The following ZNF618 variants were observed in gnomAD, a reference collection of about 807,000 sequenced individuals.
ZNF618 encodes neural precursor cell expressed, developmentally down-regulated 10.
ZNF618 carries 34 observed loss-of-function variants against 103.0 expected under a neutral mutation model. That is an observed-to-expected ratio of 0.33 (90% CI 0.25 to 0.44). The LOEUF is 0.44. ZNF618 is among the 20% of genes least tolerant of loss of function. ZNF618 has a pLI of 1.00. For missense variants in ZNF618, 1,059 were observed against 1,295.4 expected, an observed-to-expected ratio of 0.82 and a Z score of 2.80; for synonymous variants, 551 against 542.2, an observed-to-expected ratio of 1.02 and a Z score of -0.23.
chr9:113,942,113 G>A (rs1474504074), intron 1 of ZNF618, among the ~76,000 whole-genome samples: 1 of 152,200 alleles, frequency 6.6e-6, no homozygotes, highest in Non-Finnish European at 1.5e-5. Context: ...GTAATTCCTC[G>A]TGGGTATCAG....
intron 1 of ZNF618, among the ~76,000 whole-genome samples, chr9:113,951,577 ATGTG>A (rs33967417): frequency 0.19 from 9,440 of 49,076 alleles, 2,482 homozygotes; most frequent in African/African-American, 0.27. Context: ...GTGTGTGTAT[ATGTG>A]TGTGTGTGTG....
At chr9:113,888,538 A>G (rs1829292493) in intron 1 of ZNF618, among the ~76,000 whole-genome samples, 1 of 152,254 alleles carries the variant, frequency 6.6e-6, no homozygotes, top group African/African-American at 2.4e-5. Flanking sequence ...TTATGCCCAG[A>G]CAGATGTAAG....
chr9:113,961,236 C>T (rs184478864), intron 1 of ZNF618, among the ~76,000 whole-genome samples: 44 of 152,282 alleles, frequency 2.9e-4, no homozygotes, highest in African/African-American at 1.0e-3. Context: ...CTTCAGAGCA[C>T]GTATCTCAGG....
chr9:114,035,975 G>A (rs78291268), intron 12 of ZNF618, among the ~76,000 whole-genome samples: 3,527 of 152,314 alleles, frequency 0.023, 131 homozygotes, highest in African/African-American at 0.081. Context: ...CAAGAGGGCC[G>A]TTGGTCTGTT....
chr9:113,922,979 A>G (rs1056739326), intron 1 of ZNF618, among the ~76,000 whole-genome samples: 2 of 152,156 alleles, frequency 1.3e-5, no homozygotes, highest in African/African-American at 4.8e-5. Flanking sequence ...GATTTTTTTC[A>G]TCAGAGTTTT....
chr9:114,007,435 G>A lies in ZNF618; in HGVS notation c.636G>A (p.Val212=), dbSNP rs1022058550. Residue 212 remains valine, a synonymous_variant, in exon 7 of 15, where the codon GTG becomes GTA. Transcript: ENST00000374126. Reference sequence around the variant, plus strand: ...AAGAGCACCGAGACCTGCACGCAGTGGATGGTGAGTCAGGCCCCTCACTCC... The same window carrying A: ...AAGAGCACCGAGACCTGCACGCAGTAGATGGTGAGTCAGGCCCCTCACTCC... ...CFQEHRDLHA[V]DVFSVEGAPE... is the part of the protein sequence containing the mutation. 1 of 1,613,084 alleles carries A rather than the reference G, an allele frequency of 6.2e-7. No individual in the cohort carries two copies. The highest frequency in any genetic ancestry group is 8.5e-7 in the Non-Finnish European group (1 of 1,179,746).
chr9:114,052,380 A>G lies in ZNF618; in HGVS notation c.*2213A>G, dbSNP rs1846190592. 2.0e-5 allele frequency: 3 copies of G among 152,664 alleles called. No homozygotes were observed. The South Asian group carries it at 6.2e-4, about 32-fold the overall frequency. The allele number at this position is 152,664 out of a possible 1,614,324, so 9.5% of individuals were successfully genotyped here. On this transcript the variant is annotated 3_prime_UTR_variant, in exon 15 of 15. Coordinates refer to ENST00000374126, the MANE Select transcript of ZNF618 (RefSeq NM_001318042.2). Reference sequence around the variant, plus strand: ...GAGAAGTTCTAGGTATTACCTCCACAACATTTCCAACTGGGGGACTGAGCC... The same window carrying G: ...GAGAAGTTCTAGGTATTACCTCCACGACATTTCCAACTGGGGGACTGAGCC...
At chr9:114,023,900 T>G (rs970340052) in intron 10 of ZNF618, among the ~76,000 whole-genome samples, 3 of 152,218 alleles carry the variant, frequency 2.0e-5, no homozygotes, top group Non-Finnish European at 2.9e-5. Flanking sequence ...TAATAGTTTT[T>G]AGCAATTTCA....
At chr9:114,048,556 T>G in intron 14 of ZNF618, 95 bp from the exon 15 acceptor site, 1 of 1,321,240 alleles carries the variant, frequency 7.6e-7, no homozygotes, top group South Asian at 1.4e-5. Context: ...TATTTGCCAT[T>G]CCCAATACTA....
intron 6 of ZNF618, among the ~76,000 whole-genome samples, 195 bp from the exon 7 acceptor site, chr9:114,007,155 C>G (rs1225112225): frequency 6.6e-6 from 1 of 152,178 alleles, no homozygotes; most frequent in Non-Finnish European, 1.5e-5. Context: ...ATCACCGGCC[C>G]TCCCGGCTGT....
At position 114,050,178 on chromosome 9, in the gene ZNF618, C is replaced by T. The variant is rs375177872; in HGVS notation, c.*11C>T. ...TCCAACATGCTTTAAGACTTGACTT[C>T]GGGGGAAAAAAAAAGAAAAAGAGAA... On this transcript the variant is annotated 3_prime_UTR_variant, in exon 15 of 15. Coordinates refer to ENST00000374126, the MANE Select transcript of ZNF618 (RefSeq NM_001318042.2). 7.9e-6 allele frequency: 12 copies of T among 1,514,566 alleles called. No individual in the cohort carries two copies. The highest frequency in any genetic ancestry group is 2.3e-5 in the East Asian group (1 of 43,370). 93.8% of individuals were successfully genotyped at this position (1,514,566 alleles called of 1,614,324 possible). A position where few individuals can be genotyped will look rare whatever the true frequency, so the allele number is the denominator to read the frequency against.
intron 3 of ZNF618, among the ~76,000 whole-genome samples, chr9:113,993,481 C>CT (rs201046888): frequency 0.019 from 2,945 of 152,286 alleles, 96 homozygotes; most frequent in African/African-American, 0.067. Context: ...GCATCCAGCC[C>CT]TTAGACTATT....
chr9:113,999,460 G>A (rs1840966687), intron 4 of ZNF618, among the ~76,000 whole-genome samples: 1 of 152,170 alleles, frequency 6.6e-6, no homozygotes, highest in Non-Finnish European at 1.5e-5. Context: ...GAGACTCCGT[G>A]TGCCAGACAG....
chr9:113,894,758 A>G (rs2131099020), intron 1 of ZNF618, among the ~76,000 whole-genome samples: 1 of 152,264 alleles, frequency 6.6e-6, no homozygotes, highest in African/African-American at 2.4e-5. Context: ...TATTTTGCCT[A>G]ATTAATGTGG....
Position 114,050,035 on chromosome 9 carries a change from G to A in ZNF618, c.2733G>A (p.Leu911=). The change falls in exon 15 of 15, where the codon CTG becomes CTA. Residue 911 remains leucine (L), a synonymous_variant. Transcript: ENST00000374126. ...TCGCCAAGCTCGCCTTCTGGCTCCT[G>A]GCGGTTCCGGCCGTGGGCGCCAGAA... The part of the protein sequence containing the change: ...TKLAKLAFWL[L]AVPAVGARSG... 1 of 1,613,906 alleles carries A rather than the reference G, an allele frequency of 6.2e-7. No individual in the cohort carries two copies. The highest frequency in any genetic ancestry group is 1.3e-5 in the African/African-American group (1 of 75,060).
At chr9:113,961,991 C>CCA (rs1226729506) in intron 1 of ZNF618, among the ~76,000 whole-genome samples, 1 of 152,162 alleles carries the variant, frequency 6.6e-6, no homozygotes, top group Non-Finnish European at 1.5e-5. Context: ...TGAACCTTGG[C>CCA]CAAGCCACTG....
At chr9:113,911,503 A>AT (rs529627065) in intron 1 of ZNF618, among the ~76,000 whole-genome samples, 92 of 150,018 alleles carry the variant, frequency 6.1e-4, no homozygotes, top group African/African-American at 9.6e-4. Flanking sequence ...TGATTATTGT[A>AT]TTTTTAGTAG....
chr9:114,050,120 C>T lies in ZNF618; in HGVS notation c.2818C>T (p.Pro940Ser), dbSNP rs1260332074. Residue 940 changes from proline (P) to serine (S), a missense_variant, in exon 15 of 15, where the codon CCA becomes TCA. This residue lies in a region of ZNF618 where 156 missense variants were observed against 197.1 expected (regional missense o/e 0.79). Coordinates refer to ENST00000374126, the MANE Select transcript of ZNF618 (RefSeq NM_001318042.2). ...LLIKRRRLLS[P>S]EDMNKLMFLK... ...AATCAAACGGAGGCGGCTGCTCAGT[C>T]CAGAAGATATGAATAAACTCATGTT... The T allele has an allele frequency of 6.3e-7, 1 of 1,592,400 alleles. No homozygotes were observed. Among genetic ancestry groups the T allele is most frequent in the African/African-American group, 1.3e-5 (1 of 74,416 alleles).
At position 114,053,878 on chromosome 9, in the gene ZNF618, A is replaced by G. The variant is rs1159106650; in HGVS notation, c.*3711A>G. On this transcript the variant is annotated 3_prime_UTR_variant, in exon 15 of 15. Transcript: ENST00000374126. The stretch of plus-strand genomic sequence containing the variant: ...GAGGCCACCTGCCGCATCACCAGTG[A>G]GGAAGCTTTGCCACCATCCTGCTTG... The G allele has an allele frequency of 1.3e-5, 2 of 152,236 alleles. No homozygotes were observed. Among genetic ancestry groups the G allele is most frequent in the African/African-American group, 4.8e-5 (2 of 41,450 alleles). 9.4% of individuals were successfully genotyped at this position (152,236 alleles called of 1,614,324 possible). A position where few individuals can be genotyped will look rare whatever the true frequency, so the allele number is the denominator to read the frequency against.
Sources: allele counts gnomAD v4.1 joint callset (sites outside exome capture counted in the v4.1 genomes callset), GRCh38; gene constraint gnomAD v4.1.1; regional missense constraint gnomAD v4.1.1; transcripts MANE v1.5; gene names NCBI Gene and HGNC (gene_info 2026-07-23, HGNC 2026-07-21).